Variants in CRYL1 observed in about 807,000 individuals in gnomAD.
CRYL1 encodes the protein lambda-crystallin homolog.
Under a neutral mutation model 36.6 loss-of-function variants are expected in CRYL1, and 29 were observed. The ratio of observed to expected loss-of-function variants is 0.79; its 90% confidence interval spans 0.59 to 1.08. CRYL1 has a LOEUF of 1.08. CRYL1 is among the 50% of genes least tolerant of loss of function. CRYL1 has a pLI of 0.00. For missense variants in CRYL1, 411 were observed against 407.9 expected (o/e 1.01, Z -0.06); for synonymous variants, 152 against 151.5 (o/e 1.00, Z -0.02).
In CRYL1 at chr13:20,432,236, T is replaced by C. The variant is rs765086366; in HGVS notation, c.499A>G (p.Thr167Ala). ...AGGGCGTGGGTTCTGTCCACTGTCG[T>C]AGGGGCCGTCTCCGGGTGGGGGACC... ...ELVPHPETAP[T>A]TVDRTHALMK... Residue 167 changes from threonine (T) to alanine (A), a missense_variant, in exon 5 of 8, where the codon ACG becomes GCG. Transcript: ENST00000298248. 2.6e-5 allele frequency: 42 copies of C among 1,613,418 alleles called. No homozygotes were observed. In the East Asian group the frequency reaches 9.1e-4, roughly 35 times the overall value.
chr13:20,405,116 CA>C (rs2031331452), intron 6 of CRYL1, among the ~76,000 whole-genome samples: 1 of 152,050 alleles, frequency 6.6e-6, no homozygotes, highest in South Asian at 2.1e-4. Flanking sequence ...CTAAAAATAC[CA>C]AAAATCAGTC....
intron 2 of CRYL1, among the ~76,000 whole-genome samples, chr13:20,504,153 C>T (rs2033751862): frequency 1.3e-5 from 2 of 152,142 alleles, no homozygotes; most frequent in African/African-American, 4.8e-5. Flanking sequence ...GTCAGGGCGG[C>T]CTGGTCCCTT....
chr13:20,490,444 G>C (rs1019142510), intron 2 of CRYL1, among the ~76,000 whole-genome samples: 1 of 152,224 alleles, frequency 6.6e-6, no homozygotes, highest in Non-Finnish European at 1.5e-5. Flanking sequence ...CCAGGGGCTG[G>C]AGGTTGAGGA....
chr13:20,405,551 C>T (rs948157565), intron 6 of CRYL1, among the ~76,000 whole-genome samples: 4 of 152,222 alleles, frequency 2.6e-5, no homozygotes, highest in Admixed American at 1.3e-4. Context: ...GTATTGGGTA[C>T]GGTCAAGGCT....
At chr13:20,446,068 TAAAACC>T (rs2032445884) in intron 3 of CRYL1, among the ~76,000 whole-genome samples, 1 of 152,230 alleles carries the variant, frequency 6.6e-6, no homozygotes, top group Non-Finnish European at 1.5e-5. Context: ...TTACTTATTT[TAAAACC>T]CAAAATAGTT....
intron 1 of CRYL1, among the ~76,000 whole-genome samples, chr13:20,519,686 C>A (rs2137521218): frequency 6.6e-6 from 1 of 152,200 alleles, no homozygotes; most frequent in Non-Finnish European, 1.5e-5. Context: ...GACTCAAATT[C>A]TTCAGTAGAT....
rs1186235132 is a variant in CRYL1, at chr13:20,481,023, C to T, written c.276+8347G>A. On this transcript the variant is annotated intron_variant, in intron 3 of 7. Coordinates refer to ENST00000298248, the MANE Select transcript of CRYL1 (RefSeq NM_015974.3). The surrounding 1 kb of genome is among the most constrained non-coding windows in gnomAD (Gnocchi z 4.1). ...GCAAATAAATAAAAATACAGCTTCA[C>T]AGAAATAAGACCTCGTGCCCAGTTC... Among the ~76,000 whole-genome samples the T allele has an allele frequency of 6.6e-6, 1 of 152,102 alleles. No individual in the cohort carries two copies. Among genetic ancestry groups the T allele is most frequent in the African/African-American group, 2.4e-5 (1 of 41,418 alleles).
chr13:20,474,050 G>T (rs1169697871), intron 3 of CRYL1, among the ~76,000 whole-genome samples: 1 of 152,122 alleles, frequency 6.6e-6, no homozygotes, highest in African/African-American at 2.4e-5. Context: ...GGCTGGGAAG[G>T]GGACAGACAC....
intron 3 of CRYL1, among the ~76,000 whole-genome samples, chr13:20,460,538 T>C (rs1418172654): frequency 4.9e-5 from 3 of 61,702 alleles, no homozygotes; most frequent in Non-Finnish European, 9.3e-5. Context: ...TTTTTTTTTT[T>C]TTTTTGAGAC....
At position 20,455,087 on chromosome 13, in the gene CRYL1, A is replaced by G. The variant is rs2032653272; in HGVS notation, c.277-15333T>C. Among the ~76,000 whole-genome samples, 3 of 152,256 alleles carry G rather than the reference A, an allele frequency of 2.0e-5. No individual in the cohort carries two copies. In the South Asian group the frequency reaches 6.2e-4, roughly 32 times the overall value. ...AAGTCCAAGGACTAGTGAGCTCAGC[A>G]AGATTGCAGGATACAGGTCAATATA... On this transcript the variant is annotated intron_variant, in intron 3 of 7. Coordinates refer to ENST00000298248, the MANE Select transcript of CRYL1 (RefSeq NM_015974.3).
At chr13:20,439,514 C>CAAAAAAAAAAAAAAAGAAAAAAAAA (rs2032304654) in intron 4 of CRYL1, 79 bp downstream of exon 4, 5 of 331,830 alleles carry the variant, frequency 1.5e-5, no homozygotes, top group East Asian at 1.7e-4. Flanking sequence ...CCCTCCCCCG[C>CAAAAAAAAAAAAAAAGAAAAAAAAA]AAAAAAAAAA....
Position 20,517,938 on chromosome 13 carries a change from G to GAAAA in CRYL1, c.42-5392_42-5389dup, listed in dbSNP as rs67225103. Among the ~76,000 whole-genome samples the GAAAA allele has an allele frequency of 1.6e-4, 19 of 116,000 alleles. 2 individuals are homozygous for GAAAA. The highest frequency in any genetic ancestry group is 2.1e-4 in the Admixed American group (2 of 9,326). 76.1% of individuals were successfully genotyped at this position (116,000 alleles called of 152,430 possible). On this transcript the variant is annotated intron_variant, in intron 1 of 7. Transcript: ENST00000298248. Reference sequence around the variant, plus strand: ...GCGACAGAGCAAGACTCTGTCTCAAGAAAAAAAAAAAAAAAAAAGCAATGC... The same window carrying GAAAA: ...GCGACAGAGCAAGACTCTGTCTCAAGAAAAAAAAAAAAAAAAAAAAAAGCAATGC...
At chr13:20,414,018 A>G (rs771731425) in intron 5 of CRYL1, among the ~76,000 whole-genome samples, 1 of 152,018 alleles carries the variant, frequency 6.6e-6, no homozygotes, top group Non-Finnish European at 1.5e-5. Flanking sequence ...TACTAAAAAT[A>G]CAAAAAATTC....
chr13:20,505,479 T>A (rs575506255), intron 2 of CRYL1, among the ~76,000 whole-genome samples: 1 of 152,018 alleles, frequency 6.6e-6, no homozygotes, highest in African/African-American at 2.4e-5. Flanking sequence ...TCGGAGACTC[T>A]AGAAAAGGTT....
chr13:20,489,063 C>T (rs2137472123), intron 3 of CRYL1, among the ~76,000 whole-genome samples: 1 of 152,290 alleles, frequency 6.6e-6, no homozygotes, highest in Admixed American at 6.5e-5. Flanking sequence ...ATTAGCAGTC[C>T]AGAAAACCTA....
chr13:20,423,080 G>A (rs925947987), intron 5 of CRYL1, among the ~76,000 whole-genome samples: 1 of 152,050 alleles, frequency 6.6e-6, no homozygotes, highest in Non-Finnish European at 1.5e-5. Context: ...TCTTTTTCAC[G>A]TAGTTCCTTG....
intron 3 of CRYL1, among the ~76,000 whole-genome samples, chr13:20,441,111 G>T (rs1199592491): frequency 6.6e-6 from 1 of 152,146 alleles, no homozygotes; most frequent in Non-Finnish European, 1.5e-5. Context: ...CCTAACCAAG[G>T]TCTCTGCTCA....
intron 3 of CRYL1, among the ~76,000 whole-genome samples, chr13:20,443,613 G>T (rs552473341): frequency 5.3e-5 from 8 of 151,952 alleles, no homozygotes; most frequent in Admixed American, 2.6e-4. Context: ...AGCTAGTCTC[G>T]AACTCCTGAC....
intron 3 of CRYL1, among the ~76,000 whole-genome samples, chr13:20,478,428 C>G (rs891477934): frequency 6.6e-6 from 1 of 152,110 alleles, no homozygotes; most frequent in African/African-American, 2.4e-5. Context: ...CTATAATATA[C>G]CACATCATCC....
Sources: gnomAD v4.1 joint callset for allele counts (sites outside exome capture counted in the v4.1 genomes callset) on GRCh38, gnomAD v4.1.1 for gene constraint, Gnocchi (gnomAD v3.1) non-coding constraint, MANE v1.5 for transcripts, NCBI Gene and HGNC (gene_info 2026-07-23, HGNC 2026-07-21) for gene names.